Variants in KIF13B observed in about 807,000 individuals in gnomAD.
The protein encoded by KIF13B is kinesin family member 13B.
A neutral mutation model predicts 222.0 loss-of-function variants in KIF13B; 127 were observed. That is an observed-to-expected ratio of 0.57 (90% CI 0.50 to 0.66). The LOEUF is 0.66. Ranked by LOEUF, KIF13B falls within the 30% of genes least tolerant of loss-of-function variation. The probability of loss-of-function intolerance (pLI) is 0.00; values close to 1 mark genes in which losing one functional copy is unlikely to be tolerated. For missense variants in KIF13B, 2,173 were observed against 2,379.0 expected (o/e 0.91, Z 1.80); for synonymous variants, 976 against 919.0 (o/e 1.06, Z -1.12).
At chr8:29,179,262 A>T (rs1812611453) in intron 8 of KIF13B, among the ~76,000 whole-genome samples, 1 of 152,052 alleles carries the variant, frequency 6.6e-6, no homozygotes, top group African/African-American at 2.4e-5. Context: ...GTCTATGGGC[A>T]TGAACCACCC....
intron 2 of KIF13B, among the ~76,000 whole-genome samples, chr8:29,214,187 T>C (rs1165290679): frequency 6.6e-6 from 1 of 152,174 alleles, no homozygotes; most frequent in Non-Finnish European, 1.5e-5. Context: ...GCTAAATTTA[T>C]TTTCAAAAAT....
chr8:29,146,657 GGT>G, intron 17 of KIF13B, 117 bp from the exon 18 acceptor site: 1 of 901,390 alleles, frequency 1.1e-6, no homozygotes, highest in Non-Finnish European at 1.7e-6. Context: ...CTTTTTCCGT[GGT>G]CGTCTGCACG....
At chr8:29,257,912 T>C (rs1816546066) in intron 1 of KIF13B, among the ~76,000 whole-genome samples, 1 of 152,214 alleles carries the variant, frequency 6.6e-6, no homozygotes, top group South Asian at 2.1e-4. Flanking sequence ...TCAAAATGCC[T>C]CTGGCCCTAT....
intron 4 of KIF13B, chr8:29,190,205 A>G (rs181332089): frequency 6.6e-6 from 1 of 152,388 alleles, no homozygotes; most frequent in Admixed American, 6.5e-5. Context: ...GTCTTGCCTC[A>G]TATCCTAAAG....
intron 31 of KIF13B, among the ~76,000 whole-genome samples, chr8:29,115,740 C>A (rs1047279915): frequency 6.6e-6 from 1 of 152,208 alleles, no homozygotes; most frequent in Non-Finnish European, 1.5e-5. Context: ...GGACCCCCAG[C>A]ACATGGAGCT....
chr8:29,194,401 A>C lies in KIF13B; in HGVS notation c.162+1786T>G, dbSNP rs190127836. On this transcript the variant is annotated intron_variant, in intron 3 of 39. Coordinates refer to ENST00000524189, the MANE Select transcript of KIF13B (RefSeq NM_015254.4). ...TCCCAAAGTAACCATAATGGAGCTA[A>C]GCCTGTGTGCTCGACACTGTTCAAA... Among the ~76,000 whole-genome samples the C allele has an allele frequency of 2.0e-3, 301 of 152,128 alleles. 3 individuals carry two copies. The highest frequency in any genetic ancestry group is 7.1e-3 in the African/African-American group (295 of 41,484).
chr8:29,210,062 A>AG (rs1814148159), intron 2 of KIF13B, among the ~76,000 whole-genome samples: 1 of 138,506 alleles, frequency 7.2e-6, no homozygotes, highest in Non-Finnish European at 1.6e-5. Context: ...TCTCAGAGAG[A>AG]GAAAAAAAAA....
At chr8:29,123,046 C>T (rs1809946326) in intron 28 of KIF13B, among the ~76,000 whole-genome samples, 2 of 152,104 alleles carry the variant, frequency 1.3e-5, no homozygotes, top group Admixed American at 1.3e-4. Flanking sequence ...TTTCTTATGA[C>T]CGAACAGTCT....
At position 29,241,462 on chromosome 8, in the gene KIF13B, T is replaced by C. The variant is rs112919158; in HGVS notation, c.149+3884A>G. Among the ~76,000 whole-genome samples, 1,457 of 152,332 alleles carry C rather than the reference T, an allele frequency of 9.6e-3. 21 individuals carry two copies. The highest frequency in any genetic ancestry group is 0.033 in the African/African-American group (1,366 of 41,580). On this transcript the variant is annotated intron_variant, in intron 2 of 39. Coordinates refer to ENST00000524189, the MANE Select transcript of KIF13B (RefSeq NM_015254.4). Reference sequence around the variant, plus strand: ...ATTTGGTTCTTAGAAGCTTATAAACTGGATTAAACCCCTCAAATTGGGGTC... The same window carrying C: ...ATTTGGTTCTTAGAAGCTTATAAACCGGATTAAACCCCTCAAATTGGGGTC...
At chr8:29,187,069 C>T (rs1008209414) in intron 5 of KIF13B, among the ~76,000 whole-genome samples, 8 of 151,932 alleles carry the variant, frequency 5.3e-5, no homozygotes, top group African/African-American at 9.7e-5. Context: ...AAAAGTTTTC[C>T]GAAATAAGCT....
intron 2 of KIF13B, among the ~76,000 whole-genome samples, chr8:29,203,360 T>G (rs1050344896): frequency 6.6e-6 from 1 of 152,228 alleles, no homozygotes; most frequent in Non-Finnish European, 1.5e-5. Flanking sequence ...ATTCATTTAT[T>G]AAACTTCACT....
At chr8:29,209,215 C>T (rs1191951506) in intron 2 of KIF13B, among the ~76,000 whole-genome samples, 1 of 152,174 alleles carries the variant, frequency 6.6e-6, no homozygotes, top group East Asian at 1.9e-4. Flanking sequence ...AGAGGCACCA[C>T]TGGGAGGTGA....
At chr8:29,083,617 G>A (rs1807909840) in intron 37 of KIF13B, among the ~76,000 whole-genome samples, 1 of 152,184 alleles carries the variant, frequency 6.6e-6, no homozygotes, top group African/African-American at 2.4e-5. Flanking sequence ...AATTTATGGG[G>A]CAAGGCTAGA....
Position 29,177,562 on chromosome 8 carries a change from A to T in KIF13B, c.737T>A (p.Val246Glu). 44 of 1,612,744 alleles carry T rather than the reference A, an allele frequency of 2.7e-5. No individual in the cohort carries two copies. The highest frequency in any genetic ancestry group is 3.7e-5 in the Non-Finnish European group (44 of 1,178,798). ...DVKSGTSGEK[V>E]GKLSLVDLAG... ...TAAATCCACCAGGCTGAGTTTGCCCACTTTCTCTCCAGATGTCTACAAAGG... is the reference window on the plus strand; with the variant it reads ...TAAATCCACCAGGCTGAGTTTGCCCTCTTTCTCTCCAGATGTCTACAAAGG... The change falls in exon 9 of 40, where the codon GTG (valine) becomes GAG (glutamate). Residue 246 changes from valine (V) to glutamate (E), a missense_variant. Val to Glu is a moderately radical substitution (Grantham distance 121). Coordinates refer to ENST00000524189, the MANE Select transcript of KIF13B (RefSeq NM_015254.4).
chr8:29,103,671 T>C (rs1423153408), intron 35 of KIF13B, among the ~76,000 whole-genome samples: 4 of 152,142 alleles, frequency 2.6e-5, no homozygotes, highest in Non-Finnish European at 5.9e-5. Context: ...CAAAAACAAT[T>C]CCACTTTTCA....
At position 29,109,427 on chromosome 8, in the gene KIF13B, C is replaced by T; in HGVS notation, c.4161+7G>A. On this transcript the variant is annotated splice_region_variant and intron_variant, in intron 34 of 39. Transcript: ENST00000524189. ...GCACAGCACAGAGCTTGGTTCCACA[C>T]ACTCACTCTGTTCACATTTGGAGAA... 4 of 1,609,420 alleles carry T rather than the reference C, an allele frequency of 2.5e-6. No homozygotes were observed. Among genetic ancestry groups the T allele is most frequent in the South Asian group, 1.1e-5 (1 of 90,994 alleles).
chr8:29,087,341 G>A (rs1414744365), intron 37 of KIF13B, among the ~76,000 whole-genome samples: 1 of 152,184 alleles, frequency 6.6e-6, no homozygotes, highest in East Asian at 1.9e-4. Flanking sequence ...CAAACGCAGA[G>A]AGATTACAGC....
intron 6 of KIF13B, among the ~76,000 whole-genome samples, chr8:29,184,978 G>A (rs953185509): frequency 2.0e-5 from 3 of 151,578 alleles, no homozygotes; most frequent in African/African-American, 4.9e-5. Context: ...AATTTCTTTT[G>A]AGACAGGATG....
At chr8:29,231,037 T>C (rs1815262718) in intron 2 of KIF13B, among the ~76,000 whole-genome samples, 1 of 151,934 alleles carries the variant, frequency 6.6e-6, no homozygotes, top group African/African-American at 2.4e-5. Flanking sequence ...TGCACCACCA[T>C]GCCCAGGTGA....
Sources: gnomAD v4.1 joint callset for allele counts (sites outside exome capture counted in the v4.1 genomes callset) on GRCh38, gnomAD v4.1.1 for gene constraint, MANE v1.5 for transcripts, NCBI Gene and HGNC (gene_info 2026-07-23, HGNC 2026-07-21) for gene names.